PDE1C: variants seen among roughly 807,000 people sequenced by gnomAD.
PDE1C encodes the protein phosphodiesterase 1C, also known as dual specificity calcium/calmodulin-dependent 3',5'-cyclic nucleotide phosphodiesterase 1C.
Under a neutral mutation model 93.1 loss-of-function variants are expected in PDE1C, and 62 were observed. The observed-to-expected ratio is 0.67, with a 90% CI of 0.54 to 0.82. The LOEUF (loss-of-function observed/expected upper bound fraction) is 0.82, where lower values mean the gene tolerates loss of function less well. PDE1C is among the 40% of genes least tolerant of loss of function. The pLI is 0.00. For synonymous variants in PDE1C, 325 were observed against 310.1 expected (o/e 1.05, Z -0.50); for missense variants, 742 against 884.6 (o/e 0.84, Z 2.04).
At chr7:31,673,846 T>C in the PDE1C span, among the ~76,000 whole-genome samples, 1 of 152,152 alleles carries the variant, frequency 6.6e-6, no homozygotes, top group Non-Finnish European at 1.5e-5. Context: ...GAGCGTGAAT[T>C]TTAATTAAAC....
chr7:32,342,249 C>T (rs1468864057), intron 1 of PDE1C, among the ~76,000 whole-genome samples: 2 of 152,186 alleles, frequency 1.3e-5, no homozygotes, highest in Non-Finnish European at 2.9e-5. Flanking sequence ...ATTCTGCTCT[C>T]AGCAAGCTTA....
At chr7:32,315,964 C>T (rs1783161922) in intron 1 of PDE1C, among the ~76,000 whole-genome samples, 1 of 152,144 alleles carries the variant, frequency 6.6e-6, no homozygotes, top group Admixed American at 6.5e-5. Context: ...CATTGCACTC[C>T]AGCCTGGGCA....
intron 2 of PDE1C, among the ~76,000 whole-genome samples, chr7:31,996,757 A>C (rs1203107759): frequency 6.6e-6 from 1 of 152,238 alleles, no homozygotes. Context: ...TAACTGTTTG[A>C]AAAATGTTAT....
At chr7:32,046,167 C>G (rs1792526335) in intron 2 of PDE1C, among the ~76,000 whole-genome samples, 1 of 151,254 alleles carries the variant, frequency 6.6e-6, no homozygotes, top group South Asian at 2.1e-4. Context: ...CCTGGGCTGT[C>G]TTCTTCCTAA....
chr7:32,324,304 C>T (rs777621803), intron 1 of PDE1C, among the ~76,000 whole-genome samples: 1 of 152,092 alleles, frequency 6.6e-6, no homozygotes, highest in African/African-American at 2.4e-5. Context: ...AGATAGAAAG[C>T]TCTGGATAAT....
intron 2 of PDE1C, among the ~76,000 whole-genome samples, chr7:32,205,660 C>G (rs12701190): frequency 1.3e-5 from 2 of 151,824 alleles, no homozygotes; most frequent in African/African-American, 4.8e-5. Flanking sequence ...GTTCCTTCCC[C>G]CTTTGCAATG....
intron 1 of PDE1C, among the ~76,000 whole-genome samples, chr7:32,408,260 C>G (rs1785097357): frequency 6.6e-6 from 1 of 152,226 alleles, no homozygotes; most frequent in Non-Finnish European, 1.5e-5. Flanking sequence ...AACTGCTACA[C>G]TCACAATCTT....
At chr7:31,994,334 G>C (rs993290919) in intron 2 of PDE1C, among the ~76,000 whole-genome samples, 5 of 151,966 alleles carry the variant, frequency 3.3e-5, no homozygotes, top group African/African-American at 1.2e-4. Flanking sequence ...TAAAAATTGA[G>C]GCATTTCAAA....
chr7:32,084,496 G>C lies in PDE1C; in HGVS notation c.308+85289C>G, dbSNP rs549108856. ...GGAATTGAACTCAGCTCTGCACCAAGCAGACCTAATAGACATCTACAGAAC... is the reference window on the plus strand; with the variant it reads ...GGAATTGAACTCAGCTCTGCACCAACCAGACCTAATAGACATCTACAGAAC... On this transcript the variant is annotated intron_variant, in intron 3 of 18. Transcript: ENST00000396193. Among the ~76,000 whole-genome samples, 11 of 148,292 alleles carry C rather than the reference G, an allele frequency of 7.4e-5. 2 individuals are homozygous for C. In the South Asian group the frequency reaches 2.4e-3, roughly 33 times the overall value.
intron 1 of PDE1C, among the ~76,000 whole-genome samples, chr7:32,419,860 C>T (rs1785356536): frequency 6.6e-6 from 1 of 151,434 alleles, no homozygotes; most frequent in South Asian, 2.1e-4. Context: ...CTAATCCTAA[C>T]TCATCCTGTC....
chr7:31,949,112 GA>G (rs1807010643), intron 2 of PDE1C, among the ~76,000 whole-genome samples: 1 of 152,098 alleles, frequency 6.6e-6, no homozygotes, highest in East Asian at 1.9e-4. Flanking sequence ...TTAGACTGAT[GA>G]AAATATGCAA....
At chr7:31,963,302 A>C (rs1809318639) in intron 2 of PDE1C, among the ~76,000 whole-genome samples, 1 of 152,198 alleles carries the variant, frequency 6.6e-6, no homozygotes, top group East Asian at 1.9e-4. Flanking sequence ...TTATGCTGAA[A>C]CACTAGATTA....
chr7:31,723,265 C>CTTGG, the PDE1C span, among the ~76,000 whole-genome samples: 1 of 152,180 alleles, frequency 6.6e-6, no homozygotes, highest in East Asian at 1.9e-4. Flanking sequence ...CCTGACACCT[C>CTTGG]TTGGTTGGTT....
intron 3 of PDE1C, among the ~76,000 whole-genome samples, chr7:32,084,948 A>G (rs375029699): frequency 4.8e-5 from 7 of 145,380 alleles, no homozygotes; most frequent in Non-Finnish European, 7.6e-5. Context: ...AAGAACTAGA[A>G]AAGCAAGAGC....
At chr7:32,330,754 G>C (rs1376192689) in intron 1 of PDE1C, among the ~76,000 whole-genome samples, 5 of 152,164 alleles carry the variant, frequency 3.3e-5, no homozygotes, top group Admixed American at 3.3e-4. Flanking sequence ...GCAGGGCATG[G>C]GAACAGGATC....
chr7:32,375,703 G>A (rs1784421631), intron 1 of PDE1C, among the ~76,000 whole-genome samples: 1 of 152,246 alleles, frequency 6.6e-6, no homozygotes, highest in African/African-American at 2.4e-5. Context: ...TTGGCTTCTA[G>A]CCTCTGCTCT....
intron 1 of PDE1C, among the ~76,000 whole-genome samples, chr7:32,401,760 G>A (rs1784946421): frequency 1.3e-5 from 2 of 152,154 alleles, no homozygotes; most frequent in South Asian, 2.1e-4. Context: ...CTACATCCAG[G>A]CTCCTGAGCT....
At chr7:32,082,498 T>A (rs1484720208) in intron 3 of PDE1C, among the ~76,000 whole-genome samples, 1 of 152,194 alleles carries the variant, frequency 6.6e-6, no homozygotes, top group Non-Finnish European at 1.5e-5. Context: ...TCTGACAGCT[T>A]TGAAGAGAGC....
the PDE1C span, among the ~76,000 whole-genome samples, chr7:31,668,694 G>A: frequency 1.3e-5 from 2 of 152,144 alleles, no homozygotes; most frequent in Admixed American, 6.5e-5. Context: ...GAGAATGGGA[G>A]TGACTGTGAC....
Sources: allele counts gnomAD v4.1 joint callset (sites outside exome capture counted in the v4.1 genomes callset), GRCh38; gene constraint gnomAD v4.1.1; transcripts MANE v1.5; gene names NCBI Gene and HGNC (gene_info 2026-07-23, HGNC 2026-07-21).